The following WDR7 variants were observed in gnomAD, a reference collection of about 807,000 sequenced individuals.
WDR7 encodes WD repeat-containing protein 7.
WDR7 carries 46 observed loss-of-function variants against 169.4 expected under a neutral mutation model. The observed-to-expected ratio is 0.27, with a 90% CI of 0.21 to 0.35. The LOEUF (loss-of-function observed/expected upper bound fraction) is 0.35, where lower values mean the gene tolerates loss of function less well. Among genes scored for constraint, WDR7 ranks in the 10% least tolerant of loss-of-function variants. The pLI is 1.00. For missense variants in WDR7, 1,534 were observed against 1,859.3 expected, an observed-to-expected ratio of 0.83 and a Z score of 3.22; for synonymous variants, 612 against 666.8, an observed-to-expected ratio of 0.92 and a Z score of 1.27.
intron 19 of WDR7, among the ~76,000 whole-genome samples, chr18:56,802,029 A>C (rs536029889): frequency 8.5e-5 from 13 of 152,330 alleles, no homozygotes; most frequent in African/African-American, 2.9e-4. Flanking sequence ...AAGTATGACT[A>C]AAAATTCAGT....
chr18:56,896,198 A>T (rs890025258), intron 21 of WDR7, among the ~76,000 whole-genome samples: 3 of 151,878 alleles, frequency 2.0e-5, no homozygotes, highest in Non-Finnish European at 4.4e-5. Flanking sequence ...ACCTAGAGAG[A>T]TATACATTTT....
chr18:56,872,529 A>T (rs2045967367), intron 20 of WDR7: 1 of 152,232 alleles, frequency 6.6e-6, no homozygotes. Context: ...TCTGTCAAGT[A>T]AATTGTTGTT....
At chr18:56,693,999 ACC>A (rs1405209517) in intron 9 of WDR7, among the ~76,000 whole-genome samples, 8 of 150,880 alleles carry the variant, frequency 5.3e-5, no homozygotes, top group Non-Finnish European at 1.2e-4. Context: ...CCTCCTGAAT[ACC>A]TGGAGCTATG....
intron 2 of WDR7, among the ~76,000 whole-genome samples, chr18:56,673,185 A>ACACG (rs1288123852): frequency 6.6e-6 from 1 of 151,472 alleles, no homozygotes; most frequent in Non-Finnish European, 1.5e-5. Context: ...ACACACACAC[A>ACACG]CGTTCACACT....
intron 16 of WDR7, among the ~76,000 whole-genome samples, chr18:56,768,718 T>C (rs1316798392): frequency 6.6e-6 from 1 of 152,234 alleles, no homozygotes. Context: ...TGTTTTTTAT[T>C]TCCTGACTTC....
At chr18:56,705,967 C>T (rs2025942321) in intron 12 of WDR7, among the ~76,000 whole-genome samples, 1 of 152,214 alleles carries the variant, frequency 6.6e-6, no homozygotes. Context: ...CACTGTACTC[C>T]AGCCTGGGCG....
At chr18:56,759,867 T>G (rs2043955681) in intron 16 of WDR7, among the ~76,000 whole-genome samples, 3 of 152,176 alleles carry the variant, frequency 2.0e-5, no homozygotes, top group African/African-American at 4.8e-5. Flanking sequence ...ACAAGTACTT[T>G]TATCTCTCTT....
At chr18:56,946,841 G>A (rs1462805104) in intron 25 of WDR7, among the ~76,000 whole-genome samples, 1 of 152,078 alleles carries the variant, frequency 6.6e-6, no homozygotes, top group Non-Finnish European at 1.5e-5. Context: ...TGTATTAACT[G>A]AAATACTTTA....
At chr18:56,933,400 G>C (rs981331618) in intron 22 of WDR7, among the ~76,000 whole-genome samples, 3 of 152,118 alleles carry the variant, frequency 2.0e-5, no homozygotes, top group African/African-American at 7.2e-5. Flanking sequence ...TTATTTAGCT[G>C]AGTTTGATCT....
At chr18:57,023,989 T>G (rs1013476680) in intron 27 of WDR7, among the ~76,000 whole-genome samples, 2 of 152,202 alleles carry the variant, frequency 1.3e-5, no homozygotes, top group African/African-American at 4.8e-5. Flanking sequence ...AGGCAAATTA[T>G]GAAACTACAT....
At chr18:56,979,589 AAC>A (rs1296198267) in intron 26 of WDR7, among the ~76,000 whole-genome samples, 4 of 152,138 alleles carry the variant, frequency 2.6e-5, no homozygotes, top group African/African-American at 7.2e-5. Flanking sequence ...TACTCAGATC[AAC>A]ACAGAATTCA....
At chr18:56,899,858 G>C (rs768459568) in intron 21 of WDR7, among the ~76,000 whole-genome samples, 8 of 151,962 alleles carry the variant, frequency 5.3e-5, no homozygotes, top group Non-Finnish European at 8.8e-5. Flanking sequence ...CATTGACAAA[G>C]TGCTGACACA....
chr18:56,653,835 T>C (rs1395377317), intron 1 of WDR7, among the ~76,000 whole-genome samples: 1 of 152,220 alleles, frequency 6.6e-6, no homozygotes, highest in Admixed American at 6.5e-5. Flanking sequence ...GATAATACTA[T>C]GATAAGCATA....
At chr18:57,010,090 C>T in intron 26 of WDR7, 1 of 985,374 alleles carries the variant, frequency 1.0e-6, no homozygotes, top group Non-Finnish European at 1.2e-6. Flanking sequence ...ATAATCAAGA[C>T]CATTCATGCT....
Position 56,939,304 on chromosome 18 carries a change from G to A in WDR7, c.3982-7G>A, listed in dbSNP as rs763419444. ...ATTAATTTTAAATCTGTTCTTTTCT[G>A]TCAAAGGTTATGGACATCATTATGT... On this transcript the variant is annotated splice_region_variant and splice_polypyrimidine_tract_variant and intron_variant, in intron 24 of 27. Coordinates refer to ENST00000254442, the MANE Select transcript of WDR7 (RefSeq NM_015285.3). 3 of 1,497,222 alleles carry A rather than the reference G, an allele frequency of 2.0e-6. No individual in the cohort carries two copies. In the South Asian group the frequency reaches 4.3e-5, roughly 22 times the overall value. The allele number at this position is 1,497,222 out of a possible 1,614,324, so 92.7% of individuals were successfully genotyped here. A position where few individuals can be genotyped will look rare whatever the true frequency, so the allele number is the denominator to read the frequency against.
chr18:56,923,264 G>A lies in WDR7; in HGVS notation c.3527-658G>A, dbSNP rs1295075855. 3.9e-5 allele frequency among the ~76,000 whole-genome samples: 6 copies of A among 152,096 alleles called. No individual in the cohort carries two copies. The East Asian group carries it at 5.8e-4, about 15-fold the overall frequency. On this transcript the variant is annotated intron_variant, in intron 21 of 27. Coordinates refer to ENST00000254442, the MANE Select transcript of WDR7 (RefSeq NM_015285.3). ...AAGTATACAAATTGTCAGCATCATC[G>A]TCAACATAAAGGAATACATGTTCAT... is the stretch of plus-strand genomic sequence containing the variant.
intron 21 of WDR7, among the ~76,000 whole-genome samples, chr18:56,885,645 C>T (rs930788970): frequency 2.5e-5 from 3 of 121,236 alleles, no homozygotes; most frequent in Admixed American, 9.4e-5. Context: ...CACGGTGAAA[C>T]CCTGTCTCTA....
At chr18:56,700,569 T>C (rs1209880824) in intron 12 of WDR7, among the ~76,000 whole-genome samples, 9 of 2,752 alleles carry the variant, frequency 3.3e-3, no homozygotes, top group Admixed American at 0.036. Flanking sequence ...TTGTTTCTTT[T>C]TTTTTTTTTT....
intron 21 of WDR7, among the ~76,000 whole-genome samples, chr18:56,882,804 C>G (rs2046128206): frequency 6.6e-6 from 1 of 152,168 alleles, no homozygotes; most frequent in Admixed American, 6.5e-5. Flanking sequence ...CTGATTAAGT[C>G]TAACATATTT....
Sources: allele counts gnomAD v4.1 joint callset (sites outside exome capture counted in the v4.1 genomes callset), GRCh38; gene constraint gnomAD v4.1.1; transcripts MANE v1.5; gene names NCBI Gene and HGNC (gene_info 2026-07-23, HGNC 2026-07-21).